Variants in COBL observed in about 807,000 individuals in gnomAD.
COBL encodes the protein cordon-bleu WH2 repeat protein.
A neutral mutation model predicts 98.8 loss-of-function variants in COBL; 51 were observed. The observed-to-expected ratio is 0.52, with a 90% CI of 0.41 to 0.65. COBL has a LOEUF of 0.65. COBL is among the 30% of genes least tolerant of loss of function. The probability of loss-of-function intolerance (pLI) is 0.00; values close to 1 mark genes in which losing one functional copy is unlikely to be tolerated. For synonymous variants in COBL, 634 were observed against 651.7 expected (o/e 0.97, Z 0.41); for missense variants, 1,617 against 1,617.5 (o/e 1.00, Z 0.01).
chr7:51,134,373 T>C (rs533217484), intron 6 of COBL, among the ~76,000 whole-genome samples: 99 of 152,358 alleles, frequency 6.5e-4, no homozygotes, highest in Middle Eastern at 3.4e-3. Context: ...GAGGAAACTC[T>C]GTTCATTCTA....
intron 7 of COBL, among the ~76,000 whole-genome samples, chr7:51,044,694 A>G (rs1410043020): frequency 6.6e-6 from 1 of 152,202 alleles, no homozygotes; most frequent in Non-Finnish European, 1.5e-5. Context: ...TTCTTCCCCT[A>G]AATAGTCACT....
At chr7:51,304,377 G>A (rs532410679) in intron 1 of COBL, among the ~76,000 whole-genome samples, 5 of 152,112 alleles carry the variant, frequency 3.3e-5, no homozygotes, top group Admixed American at 1.3e-4. Flanking sequence ...CTTCCTCATC[G>A]GTGTGACCCA....
intron 1 of COBL, among the ~76,000 whole-genome samples, chr7:51,304,898 G>A (rs1802313341): frequency 7.2e-5 from 11 of 152,102 alleles, no homozygotes; most frequent in Admixed American, 7.2e-4. Context: ...AGCTTTCAGG[G>A]GAGGGCGGAT....
chr7:51,162,968 C>CTAA (rs534476784), intron 5 of COBL, among the ~76,000 whole-genome samples: 132 of 152,288 alleles, frequency 8.7e-4, no homozygotes, highest in Non-Finnish European at 1.8e-3. Context: ...GCAAGAAGTG[C>CTAA]TAAGCTAAGC....
chr7:51,141,289 G>A (rs2129011913), intron 5 of COBL, among the ~76,000 whole-genome samples: 1 of 152,264 alleles, frequency 6.6e-6, no homozygotes, highest in Middle Eastern at 3.4e-3. Flanking sequence ...CTGTTTCAAG[G>A]TTAAGGGATA....
At chr7:51,284,515 A>G (rs929962928) in intron 1 of COBL, among the ~76,000 whole-genome samples, 6 of 151,412 alleles carry the variant, frequency 4.0e-5, no homozygotes, top group Non-Finnish European at 7.4e-5. Context: ...AAAAAAAAAA[A>G]ACTTCCTAAG....
At chr7:51,219,093 TGAA>T (rs1365923089) in intron 2 of COBL, among the ~76,000 whole-genome samples, 2 of 152,192 alleles carry the variant, frequency 1.3e-5, no homozygotes, top group African/African-American at 2.4e-5. Context: ...AATGCTATGA[TGAA>T]GGAGACTTTG....
chr7:51,304,866 A>G (rs1377600964), intron 1 of COBL, among the ~76,000 whole-genome samples: 1 of 152,228 alleles, frequency 6.6e-6, no homozygotes, highest in Non-Finnish European at 1.5e-5. Context: ...TGAGGAGGCT[A>G]AACAGTCCCT....
intron 1 of COBL, among the ~76,000 whole-genome samples, chr7:51,253,262 A>T (rs1022669781): frequency 6.6e-6 from 1 of 150,742 alleles, no homozygotes; most frequent in Non-Finnish European, 1.5e-5. Flanking sequence ...TTTCTTCTGA[A>T]TTTATTAAGG....
At chr7:51,115,141 T>C (rs1377589940) in intron 6 of COBL, among the ~76,000 whole-genome samples, 1 of 152,186 alleles carries the variant, frequency 6.6e-6, no homozygotes, top group African/African-American at 2.4e-5. Context: ...TAATAAGCCA[T>C]CTTTTAAAAT....
chr7:51,026,593 G>A lies in COBL; in HGVS notation c.3457C>T (p.Leu1153=). 6.2e-7 allele frequency: 1 copy of A among 1,614,212 alleles called. No homozygotes were observed. Among genetic ancestry groups the A allele is most frequent in the Non-Finnish European group, 8.5e-7 (1 of 1,180,052 alleles). ...CTGTGCCCGCGGATAGCTGCCAGCA[G>A]TGCAGATCGTTCGCCCTCTGCCTCC... The part of the protein sequence containing the change: ...YTEAEGERSA[L]LAAIRGHSGT... The change falls in exon 11 of 13, where the codon CTG becomes TTG. Residue 1153 remains leucine (L), a synonymous_variant. Transcript: ENST00000265136.
chr7:51,185,552 A>T (rs959316633), intron 4 of COBL, among the ~76,000 whole-genome samples: 1 of 152,206 alleles, frequency 6.6e-6, no homozygotes, highest in Non-Finnish European at 1.5e-5. Flanking sequence ...GGCCTTTGTC[A>T]TTACTTCATT....
chr7:51,222,869 C>T (rs185691674), intron 1 of COBL, among the ~76,000 whole-genome samples: 3 of 152,116 alleles, frequency 2.0e-5, no homozygotes, highest in African/African-American at 7.2e-5. Flanking sequence ...TGGAGAGAGT[C>T]GGGAGAGGTT....
At chr7:51,178,648 C>T (rs1234893866) in intron 5 of COBL, among the ~76,000 whole-genome samples, 2 of 151,948 alleles carry the variant, frequency 1.3e-5, no homozygotes, top group Admixed American at 6.6e-5. Flanking sequence ...GAGACAGTCT[C>T]GCTCTGTTGC....
chr7:51,045,793 G>A (rs1260036325), intron 7 of COBL, among the ~76,000 whole-genome samples: 2 of 152,130 alleles, frequency 1.3e-5, no homozygotes, highest in Admixed American at 6.5e-5. Flanking sequence ...TTCCTCAGAA[G>A]TTTTGAGGCA....
intron 5 of COBL, among the ~76,000 whole-genome samples, chr7:51,159,491 TA>T (rs1170801159): frequency 9.2e-5 from 14 of 152,176 alleles, no homozygotes; most frequent in African/African-American, 3.4e-4. Flanking sequence ...TGAAGCAACT[TA>T]AATCCATGTG....
intron 6 of COBL, among the ~76,000 whole-genome samples, chr7:51,126,924 C>CTTAGCTGTCTGACAT (rs1798268882): frequency 6.6e-6 from 1 of 152,162 alleles, no homozygotes. Context: ...CATGAGCCTC[C>CTTAGCTGTCTGACAT]TTAGCTGTCT....
intron 1 of COBL, among the ~76,000 whole-genome samples, chr7:51,248,255 C>T (rs1195126492): frequency 6.6e-6 from 1 of 152,120 alleles, no homozygotes; most frequent in Non-Finnish European, 1.5e-5. Flanking sequence ...TATCATAAAA[C>T]TTACATATAA....
In COBL at chr7:51,083,138, G is replaced by T. The variant is rs1312152691; in HGVS notation, c.1096+2028C>A. The stretch of plus-strand genomic sequence containing the variant: ...AGGCTCCACCACGTCTGTGTCGGGA[G>T]GAGGGTAGGGCGGGGGTGGGGGAAG... On this transcript the variant is annotated intron_variant, in intron 7 of 12. Coordinates refer to ENST00000265136, the MANE Select transcript of COBL (RefSeq NM_015198.5). The T allele has an allele frequency of 2.6e-6, 4 of 1,527,400 alleles. 1 individual carries two copies. In the South Asian group the frequency reaches 4.8e-5, roughly 19 times the overall value. The allele number at this position is 1,527,400 out of a possible 1,614,324, so 94.6% of individuals were successfully genotyped here.
Sources: gnomAD v4.1 joint callset for allele counts (sites outside exome capture counted in the v4.1 genomes callset) on GRCh38, gnomAD v4.1.1 for gene constraint, MANE v1.5 for transcripts, NCBI Gene and HGNC (gene_info 2026-07-23, HGNC 2026-07-21) for gene names.